Variants in GUCY1A2 observed in about 807,000 individuals in gnomAD.
GUCY1A2 encodes guanylate cyclase 1 soluble subunit alpha 2.
Under a neutral mutation model 63.5 loss-of-function variants are expected in GUCY1A2, and 27 were observed. The observed-to-expected ratio is 0.43, with a 90% CI of 0.31 to 0.59. The LOEUF is 0.59. Among genes scored for constraint, GUCY1A2 ranks in the 20% least tolerant of loss-of-function variants. GUCY1A2 has a pLI of 0.11. For synonymous variants in GUCY1A2, 364 were observed against 343.5 expected, an observed-to-expected ratio of 1.06 and a Z score of -0.66; for missense variants, 768 against 913.3, an observed-to-expected ratio of 0.84 and a Z score of 2.05.
intron 4 of GUCY1A2, among the ~76,000 whole-genome samples, chr11:106,928,531 C>G (rs191716467): frequency 2.7e-5 from 4 of 149,764 alleles, no homozygotes; most frequent in Non-Finnish European, 5.9e-5. Flanking sequence ...AAACGGAAAA[C>G]GAACCAAGAT....
intron 4 of GUCY1A2, among the ~76,000 whole-genome samples, chr11:106,868,402 G>A (rs1859625313): frequency 6.6e-6 from 1 of 152,098 alleles, no homozygotes; most frequent in South Asian, 2.1e-4. Flanking sequence ...AGCAACTTCA[G>A]CAAAGTCTCA....
At chr11:106,781,129 A>AG (rs564636979) in intron 5 of GUCY1A2, among the ~76,000 whole-genome samples, 26,895 of 145,218 alleles carry the variant, frequency 0.19, 2,784 homozygotes, top group Middle Eastern at 0.28. Flanking sequence ...AAAAAAAAAA[A>AG]AAAAGAAAAA....
intron 4 of GUCY1A2, among the ~76,000 whole-genome samples, chr11:106,878,843 C>A (rs1479556676): frequency 1.3e-5 from 2 of 151,020 alleles, no homozygotes; most frequent in African/African-American, 4.9e-5. Context: ...TTCCCTGGAG[C>A]TTCCAGAAGT....
chr11:106,894,688 G>A (rs1197018096), intron 4 of GUCY1A2, among the ~76,000 whole-genome samples: 1 of 151,944 alleles, frequency 6.6e-6, no homozygotes, highest in African/African-American at 2.4e-5. Flanking sequence ...AAAGAAATCT[G>A]AATAAAAATA....
At chr11:106,801,035 A>C (rs1858589640) in intron 5 of GUCY1A2, among the ~76,000 whole-genome samples, 1 of 152,108 alleles carries the variant, frequency 6.6e-6, no homozygotes, top group Admixed American at 6.6e-5. Context: ...TTTCTTAAGG[A>C]TCTTCTACTG....
At chr11:106,787,116 TTAA>T (rs1864569530) in intron 5 of GUCY1A2, among the ~76,000 whole-genome samples, 1 of 151,392 alleles carries the variant, frequency 6.6e-6, no homozygotes, top group Non-Finnish European at 1.5e-5. Context: ...TTCTTTTTTA[TTAA>T]TTTTTTATTT....
At chr11:106,914,358 T>G (rs1314660827) in intron 4 of GUCY1A2, among the ~76,000 whole-genome samples, 1 of 152,132 alleles carries the variant, frequency 6.6e-6, no homozygotes, top group East Asian at 1.9e-4. Flanking sequence ...AAGTTTTTTA[T>G]GCAGACAAAC....
At position 106,978,672 on chromosome 11, in the gene GUCY1A2, T is replaced by C. The variant is rs780565592; in HGVS notation, c.434A>G (p.Lys145Arg). ...TCCTGAGACATCTTCAATTTCTTCT[T>C]TGTTGGAGTGGTCTGCATAGGAGCA... Reference protein sequence around the residue: ...NRCSYADHSNKEEIEDVSGIL... With the variant: ...NRCSYADHSNREEIEDVSGIL... Residue 145 changes from lysine to arginine, a missense_variant, in exon 3 of 8, where the codon AAA becomes AGA. Physicochemically the swap from Lys to Arg is conservative, Grantham distance 26. This residue lies in a region of GUCY1A2 where 496 missense variants were observed against 486.9 expected (regional missense o/e 1.02). Coordinates refer to ENST00000526355, the MANE Select transcript of GUCY1A2 (RefSeq NM_000855.3). 2 of 1,571,118 alleles carry C rather than the reference T, an allele frequency of 1.3e-6. No individual in the cohort carries two copies. The highest frequency in any genetic ancestry group is 2.7e-5 in the African/African-American group (2 of 74,084).
At chr11:106,700,931 AT>A (rs1229863177) in intron 7 of GUCY1A2, among the ~76,000 whole-genome samples, 1 of 152,120 alleles carries the variant, frequency 6.6e-6, no homozygotes, top group Non-Finnish European at 1.5e-5. Flanking sequence ...TCCTTGTATA[AT>A]AATTATATTG....
intron 4 of GUCY1A2, chr11:106,827,291 A>C: frequency 6.4e-7 from 1 of 1,555,664 alleles, no homozygotes; most frequent in Middle Eastern, 1.7e-4. Context: ...TTAGCCTCTG[A>C]TTTTTCAGCA....
intron 4 of GUCY1A2, among the ~76,000 whole-genome samples, chr11:106,910,083 G>A (rs11211972): frequency 0.15 from 23,271 of 151,730 alleles, 2,141 homozygotes; most frequent in South Asian, 0.28. Context: ...AAAGTTATTC[G>A]CTAAAAACAT....
chr11:106,974,400 C>A (rs1350652838), intron 3 of GUCY1A2, among the ~76,000 whole-genome samples: 1 of 152,006 alleles, frequency 6.6e-6, no homozygotes, highest in Non-Finnish European at 1.5e-5. Flanking sequence ...CTTAACCTAA[C>A]CTTAAGCTAA....
chr11:106,953,203 A>C (rs938715752), intron 3 of GUCY1A2, among the ~76,000 whole-genome samples: 1 of 152,154 alleles, frequency 6.6e-6, no homozygotes, highest in Non-Finnish European at 1.5e-5. Flanking sequence ...ATGTTCCATC[A>C]ATACCTAGTT....
chr11:106,927,107 C>T lies in GUCY1A2; in HGVS notation c.1206+12353G>A, dbSNP rs372114738. ...CAAGATTAGAGGCCGGGTGCAGTGG[C>T]TCACACCTGTAATCCCAGCACTTTG... On this transcript the variant is annotated intron_variant, in intron 4 of 7. Transcript: ENST00000526355. 2.6e-5 allele frequency among the ~76,000 whole-genome samples: 4 copies of T among 151,928 alleles called. No individual in the cohort carries two copies. In the South Asian group the frequency reaches 8.3e-4, roughly 32 times the overall value.
intron 4 of GUCY1A2, among the ~76,000 whole-genome samples, chr11:106,938,056 G>A (rs1028754771): frequency 2.0e-5 from 3 of 152,160 alleles, no homozygotes; most frequent in South Asian, 4.1e-4. Flanking sequence ...TCCTGTCTCA[G>A]CCTCCTGAGT....
rs536920970 is a variant in GUCY1A2, at chr11:106,998,926, TA to T, written c.304-12796del. ...ATCACTACAGACCAAGAACGTTAAA[TA>T]ATTTACCGTCGCAAAGGAGATCTCC... On this transcript the variant is annotated intron_variant, in intron 1 of 7. Coordinates refer to ENST00000526355, the MANE Select transcript of GUCY1A2 (RefSeq NM_000855.3). 7.2e-5 allele frequency among the ~76,000 whole-genome samples: 11 copies of T among 152,322 alleles called. No individual in the cohort carries two copies. In the South Asian group the frequency reaches 2.3e-3, roughly 32 times the overall value.
chr11:106,719,801 A>ACG (rs1863282359), intron 6 of GUCY1A2, among the ~76,000 whole-genome samples: 1 of 152,224 alleles, frequency 6.6e-6, no homozygotes, highest in Non-Finnish European at 1.5e-5. Context: ...GGTTTCTAAT[A>ACG]TGCATCCAAG....
chr11:106,924,374 C>T (rs1860491026), intron 4 of GUCY1A2, among the ~76,000 whole-genome samples: 1 of 152,112 alleles, frequency 6.6e-6, no homozygotes, highest in Non-Finnish European at 1.5e-5. Flanking sequence ...TCCTAGACTC[C>T]ATAAAAATAA....
At chr11:106,697,098 C>A (rs1301127550) in intron 7 of GUCY1A2, among the ~76,000 whole-genome samples, 7 of 152,170 alleles carry the variant, frequency 4.6e-5, no homozygotes, top group Admixed American at 4.6e-4. Flanking sequence ...TCATACAAAG[C>A]AGCGTGATCA....
Sources: gnomAD v4.1 joint callset for allele counts (sites outside exome capture counted in the v4.1 genomes callset) on GRCh38, gnomAD v4.1.1 for gene constraint, gnomAD v4.1.1 regional missense constraint, MANE v1.5 for transcripts, NCBI Gene and HGNC (gene_info 2026-07-23, HGNC 2026-07-21) for gene names.